Variants in SOX6 observed in about 807,000 individuals in gnomAD.
The protein encoded by SOX6 is SRY-box transcription factor 6.
A neutral mutation model predicts 97.8 loss-of-function variants in SOX6; 11 were observed. The observed-to-expected ratio is 0.11, with a 90% CI of 0.07 to 0.19. The LOEUF (loss-of-function observed/expected upper bound fraction) is 0.19, where lower values mean the gene tolerates loss of function less well. SOX6 is among the 10% of genes least tolerant of loss of function. SOX6 has a pLI of 1.00. For missense variants in SOX6, 810 were observed against 1,039.5 expected (o/e 0.78, Z 3.04); for synonymous variants, 360 against 371.4 (o/e 0.97, Z 0.35).
intron 4 of SOX6, among the ~76,000 whole-genome samples, chr11:16,209,409 A>G (rs1852158946): frequency 6.6e-6 from 1 of 152,166 alleles, no homozygotes; most frequent in South Asian, 2.1e-4. Context: ...CTGGTTCCCC[A>G]ATTCTAAGAC....
intron 4 of SOX6, among the ~76,000 whole-genome samples, chr11:16,545,402 T>C (rs1465479463): frequency 1.4e-5 from 2 of 147,962 alleles, no homozygotes; most frequent in African/African-American, 4.9e-5. Flanking sequence ...TTTGATAAAA[T>C]TCAACACCTC....
chr11:16,221,671 G>A (rs1044077231), intron 4 of SOX6, among the ~76,000 whole-genome samples: 1 of 152,058 alleles, frequency 6.6e-6, no homozygotes, highest in African/African-American at 2.4e-5. Context: ...TTCATTCAAG[G>A]GAAAATGACA....
At chr11:16,445,426 G>C (rs149314903) in intron 1 of SOX6, among the ~76,000 whole-genome samples, 1 of 151,946 alleles carries the variant, frequency 6.6e-6, no homozygotes, top group Non-Finnish European at 1.5e-5. Context: ...TTGCATATTC[G>C]TCCAACATGG....
At chr11:16,667,386 C>T (rs1262411944) in intron 3 of SOX6, among the ~76,000 whole-genome samples, 2 of 151,966 alleles carry the variant, frequency 1.3e-5, no homozygotes, top group Non-Finnish European at 1.5e-5. Context: ...AGCAAACTCC[C>T]TCAGATCAAG....
intron 4 of SOX6, among the ~76,000 whole-genome samples, chr11:16,559,494 C>T (rs1477647632): frequency 6.6e-6 from 1 of 150,912 alleles, no homozygotes; most frequent in Non-Finnish European, 1.5e-5. Flanking sequence ...GAACCACAAG[C>T]CTAGGTTTTA....
chr11:16,681,232 A>G (rs1847925072), intron 3 of SOX6, among the ~76,000 whole-genome samples: 2 of 152,368 alleles, frequency 1.3e-5, no homozygotes, highest in South Asian at 4.1e-4. Flanking sequence ...TAGCAAATGT[A>G]AAAGAACAGT....
intron 3 of SOX6, among the ~76,000 whole-genome samples, chr11:16,672,364 A>C (rs978645952): frequency 1.3e-5 from 2 of 152,254 alleles, no homozygotes; most frequent in African/African-American, 4.8e-5. Context: ...AAGCTGGATA[A>C]AAACACAAAA....
At chr11:16,220,508 G>A (rs10832565) in intron 4 of SOX6, among the ~76,000 whole-genome samples, 72,510 of 151,704 alleles carry the variant, frequency 0.48, 17,501 homozygotes, top group South Asian at 0.61. Flanking sequence ...CATGAACTAC[G>A]CTGTAAACTT....
At chr11:15,996,306 T>C (rs1854223756) in intron 13 of SOX6, among the ~76,000 whole-genome samples, 1 of 152,128 alleles carries the variant, frequency 6.6e-6, no homozygotes, top group Non-Finnish European at 1.5e-5. Flanking sequence ...TAAGGTTTCA[T>C]AGTGAATCCT....
intron 1 of SOX6, among the ~76,000 whole-genome samples, chr11:16,445,397 C>T (rs1344326778): frequency 6.6e-6 from 1 of 152,206 alleles, no homozygotes; most frequent in East Asian, 1.9e-4. Flanking sequence ...TACCAACACA[C>T]TTTAAATTGC....
chr11:16,231,288 G>A (rs1852841976), intron 4 of SOX6, among the ~76,000 whole-genome samples: 1 of 151,662 alleles, frequency 6.6e-6, no homozygotes, highest in Non-Finnish European at 1.5e-5. Flanking sequence ...AGAAAACACT[G>A]AGAACTGGAC....
intron 3 of SOX6, among the ~76,000 whole-genome samples, chr11:16,673,643 G>T (rs556533337): frequency 1.3e-5 from 2 of 152,180 alleles, no homozygotes; most frequent in East Asian, 3.9e-4. Flanking sequence ...GAACCTGATG[G>T]CTTCACTGCT....
intron 3 of SOX6, chr11:16,252,280 TC>T (rs1475832759): frequency 6.6e-6 from 1 of 152,222 alleles, no homozygotes; most frequent in African/African-American, 2.4e-5. Flanking sequence ...CAACAGCTCT[TC>T]TTAGATTCAT....
chr11:16,312,792 T>C (rs188221986), intron 3 of SOX6: 40 of 152,312 alleles, frequency 2.6e-4, no homozygotes, highest in African/African-American at 9.6e-4. Flanking sequence ...CCCAGCTATA[T>C]TGGCAACAAG....
At chr11:16,333,894 A>G (rs1856384004) in intron 2 of SOX6, among the ~76,000 whole-genome samples, 1 of 152,214 alleles carries the variant, frequency 6.6e-6, no homozygotes, top group Non-Finnish European at 1.5e-5. Flanking sequence ...ACTATGAGGT[A>G]TACACTAGCA....
chr11:16,716,390 CA>C (rs1848219971), intron 2 of SOX6, among the ~76,000 whole-genome samples: 1 of 151,700 alleles, frequency 6.6e-6, no homozygotes, highest in Non-Finnish European at 1.5e-5. Context: ...TAAAACAAAA[CA>C]AAAAAAGGTA....
chr11:16,556,867 T>C (rs1847754505), intron 4 of SOX6, among the ~76,000 whole-genome samples: 1 of 151,802 alleles, frequency 6.6e-6, no homozygotes, highest in South Asian at 2.1e-4. Flanking sequence ...TTCATAGGTC[T>C]TAGCTGATAA....
chr11:16,254,756 G>A (rs1429849340), intron 3 of SOX6, among the ~76,000 whole-genome samples: 2 of 151,938 alleles, frequency 1.3e-5, no homozygotes, highest in African/African-American at 4.8e-5. Context: ...TACCAAATAT[G>A]GGTAGGTACT....
rs1017511430 is a variant in SOX6, at chr11:16,490,612, G to A, written n.610-14224C>T. ...AGTATTATTAGAGATAAAGATAATA[G>A]TAACAGTAATAGTAATGATTAAAAA... is the stretch of plus-strand genomic sequence containing the variant. On this transcript the variant is annotated intron_variant and non_coding_transcript_variant, in intron 4 of 5. Coordinates refer to the SOX6 transcript ENST00000524520. Among the ~76,000 whole-genome samples the A allele has an allele frequency of 4.6e-5, 7 of 152,070 alleles. No homozygotes were observed. The South Asian group carries it at 6.2e-4, about 14-fold the overall frequency.
Sources: allele counts gnomAD v4.1 joint callset (sites outside exome capture counted in the v4.1 genomes callset), GRCh38; gene constraint gnomAD v4.1.1; transcripts MANE v1.5; gene names NCBI Gene and HGNC (gene_info 2026-07-23, HGNC 2026-07-21).